Variants in RREB1 observed in about 807,000 individuals in gnomAD.
The protein encoded by RREB1 is ras-responsive element-binding protein 1.
Under a neutral mutation model 117.8 loss-of-function variants are expected in RREB1, and 27 were observed. That is an observed-to-expected ratio of 0.23 (90% CI 0.17 to 0.32). RREB1 has a LOEUF of 0.32. RREB1 is among the 10% of genes least tolerant of loss of function. The pLI, the probability that RREB1 is intolerant of heterozygous loss-of-function variation, is 1.00. For synonymous variants in RREB1, 1,298 were observed against 1,026.7 expected (o/e 1.26, Z -5.05); for missense variants, 2,577 against 2,378.2 (o/e 1.08, Z -1.74).
rs140378620 is a variant in RREB1, at chr6:7,114,513, A to G, written c.-285+6453A>G. Among the ~76,000 whole-genome samples, 124 of 151,600 alleles carry G rather than the reference A, an allele frequency of 8.2e-4. 1 individual carries two copies. The highest frequency in any genetic ancestry group is 2.8e-3 in the African/African-American group (117 of 41,234). ...GGGAGCTGCTACTGGCCTTTAGTGC[A>G]TAGACCCCAAAGATGCTGTTCCACA... is the stretch of plus-strand genomic sequence containing the variant. On this transcript the variant is annotated intron_variant, in intron 1 of 12. Coordinates refer to ENST00000379938, the MANE Select transcript of RREB1 (RefSeq NM_001003699.4).
chr6:7,110,138 C>G (rs113003489), intron 1 of RREB1, among the ~76,000 whole-genome samples: 1 of 152,158 alleles, frequency 6.6e-6, no homozygotes, highest in African/African-American at 2.4e-5. Context: ...GTAGTGGACC[C>G]TGCATGTGTG....
chr6:7,194,894 C>T (rs1765591726), intron 6 of RREB1, among the ~76,000 whole-genome samples: 1 of 152,136 alleles, frequency 6.6e-6, no homozygotes, highest in Non-Finnish European at 1.5e-5. Flanking sequence ...CTGTGTGATC[C>T]CAGACAAGTT....
At chr6:7,167,369 T>C (rs922972191) in intron 1 of RREB1, among the ~76,000 whole-genome samples, 3 of 151,112 alleles carry the variant, frequency 2.0e-5, no homozygotes, top group South Asian at 2.1e-4. Flanking sequence ...TTTTTTTTTT[T>C]TGAGATGGAG....
At chr6:7,202,417 C>T (rs550824940) in intron 6 of RREB1, among the ~76,000 whole-genome samples, 135 of 152,302 alleles carry the variant, frequency 8.9e-4, no homozygotes, top group Non-Finnish European at 1.6e-3. Flanking sequence ...GGAAATGGCC[C>T]GTGACTTCAG....
At chr6:7,189,552 A>G (rs1765287524) in intron 6 of RREB1, among the ~76,000 whole-genome samples, 1 of 152,168 alleles carries the variant, frequency 6.6e-6, no homozygotes, top group South Asian at 2.1e-4. Flanking sequence ...ACACAGAGTC[A>G]TTTCCCCTCT....
In RREB1 at chr6:7,116,198, C is replaced by T. The variant is rs373737823; in HGVS notation, c.-285+8138C>T. Among the ~76,000 whole-genome samples, 14 of 152,326 alleles carry T rather than the reference C, an allele frequency of 9.2e-5. No homozygotes were observed. The South Asian group carries it at 1.0e-3, about 11-fold the overall frequency. ...CCTTAACTTGGCATACAAGGAACTTCGTCTGCTTCCAAGCTGAATTTCTAG... is the reference window on the plus strand; with the variant it reads ...CCTTAACTTGGCATACAAGGAACTTTGTCTGCTTCCAAGCTGAATTTCTAG... On this transcript the variant is annotated intron_variant, in intron 1 of 12. Transcript: ENST00000379938.
intron 1 of RREB1, among the ~76,000 whole-genome samples, chr6:7,118,849 A>G (rs1346270504): frequency 2.9e-5 from 3 of 102,752 alleles, no homozygotes; most frequent in African/African-American, 1.2e-4. Context: ...GGGTTTCACC[A>G]TGTTAGCCAG....
chr6:7,206,210 A>G (rs1478386699), intron 6 of RREB1, among the ~76,000 whole-genome samples: 2 of 152,266 alleles, frequency 1.3e-5, no homozygotes, highest in Non-Finnish European at 2.9e-5. Context: ...TTGAATGAAC[A>G]AACATATGAA....
chr6:7,207,444 A>G (rs535607801), intron 6 of RREB1, among the ~76,000 whole-genome samples: 98 of 152,242 alleles, frequency 6.4e-4, no homozygotes, highest in Non-Finnish European at 1.2e-3. Flanking sequence ...TGCACTGCTC[A>G]GGTGCAGAAT....
rs186395787 is a variant in RREB1 at position 7,230,301 on chromosome 6, C to T, written c.2202C>T (p.Ile734=). 51 of 1,592,834 alleles carry T rather than the reference C, an allele frequency of 3.2e-5. No homozygotes were observed. Among genetic ancestry groups the T allele is most frequent in the Middle Eastern group, 1.7e-4 (1 of 6,044 alleles). Residue 734 remains isoleucine, a synonymous_variant, in exon 10 of 13, where the codon ATC becomes ATT. Coordinates refer to ENST00000379938, the MANE Select transcript of RREB1 (RefSeq NM_001003699.4). ...CCCGCAAGGATATCGAGAAGAACATCGAGTATGTGAGTAGCAGCGCGGCCG... is the reference window on the plus strand; with the variant it reads ...CCCGCAAGGATATCGAGAAGAACATTGAGTATGTGAGTAGCAGCGCGGCCG... ...KATRKDIEKN[I]EYVSSSAAEL...
intron 11 of RREB1, among the ~76,000 whole-genome samples, chr6:7,241,717 C>T (rs936834650): frequency 5.3e-5 from 8 of 152,170 alleles, no homozygotes; most frequent in African/African-American, 9.7e-5. Context: ...CCCATCTCTA[C>T]GCCTCCCACT....
chr6:7,224,104 G>A (rs1403587908), intron 8 of RREB1, among the ~76,000 whole-genome samples: 5 of 151,856 alleles, frequency 3.3e-5, no homozygotes, highest in Admixed American at 2.0e-4. Context: ...TGCCATAATC[G>A]TAAAAATCTA....
intron 1 of RREB1, among the ~76,000 whole-genome samples, chr6:7,124,058 A>G (rs117676488): frequency 6.6e-6 from 1 of 152,222 alleles, no homozygotes; most frequent in East Asian, 1.9e-4. Context: ...TTAGAAAGAG[A>G]GTGTATGCAT....
chr6:7,156,885 G>A (rs1763390959), intron 1 of RREB1, among the ~76,000 whole-genome samples: 1 of 152,162 alleles, frequency 6.6e-6, no homozygotes, highest in African/African-American at 2.4e-5. Context: ...CTGCTCCTGT[G>A]TACCCATTCT....
At chr6:7,196,609 C>A (rs1442070619) in intron 6 of RREB1, among the ~76,000 whole-genome samples, 2 of 152,020 alleles carry the variant, frequency 1.3e-5, no homozygotes, top group Non-Finnish European at 2.9e-5. Flanking sequence ...TTTACTTGAT[C>A]TTTTAAAAGT....
Position 7,153,107 on chromosome 6 carries a change from T to C in RREB1, c.-284-23548T>C, listed in dbSNP as rs1295394586. Reference sequence around the variant, plus strand: ...GAGGTATTAATCTTTGTGAGAGGGTTTTTTTTTTTTTTTTTTTTTGAGGAA... The same window carrying C: ...GAGGTATTAATCTTTGTGAGAGGGTCTTTTTTTTTTTTTTTTTTTGAGGAA... On this transcript the variant is annotated intron_variant, in intron 1 of 12. Transcript: ENST00000379938. 5.8e-5 allele frequency among the ~76,000 whole-genome samples: 8 copies of C among 138,978 alleles called. No individual in the cohort carries two copies. In the East Asian group the frequency reaches 1.0e-3, roughly 18 times the overall value. 91.2% of individuals were successfully genotyped at this position (138,978 alleles called of 152,430 possible).
intron 4 of RREB1, among the ~76,000 whole-genome samples, chr6:7,185,456 C>T (rs1312886835): frequency 6.6e-6 from 1 of 151,974 alleles, no homozygotes; most frequent in Non-Finnish European, 1.5e-5. Flanking sequence ...TGTAGTCCCA[C>T]CTACTTGGGA....
At chr6:7,115,878 T>A (rs1217267352) in intron 1 of RREB1, among the ~76,000 whole-genome samples, 1 of 151,992 alleles carries the variant, frequency 6.6e-6, no homozygotes, top group African/African-American at 2.4e-5. Flanking sequence ...AGGCCAGGAG[T>A]CTTACTGCCG....
intron 6 of RREB1, among the ~76,000 whole-genome samples, chr6:7,190,258 C>T (rs1765333381): frequency 6.6e-6 from 1 of 152,096 alleles, no homozygotes; most frequent in Non-Finnish European, 1.5e-5. Context: ...CTTTGTACTC[C>T]AGTTTCTCAT....
Sources: gnomAD v4.1 joint callset for allele counts (sites outside exome capture counted in the v4.1 genomes callset) on GRCh38, gnomAD v4.1.1 for gene constraint, MANE v1.5 for transcripts, NCBI Gene and HGNC (gene_info 2026-07-23, HGNC 2026-07-21) for gene names.